The following IMMP2L variants were observed in gnomAD, a reference collection of about 807,000 sequenced individuals.
The protein encoded by IMMP2L is inner mitochondrial membrane peptidase subunit 2.
IMMP2L carries 18 observed loss-of-function variants against 19.3 expected under a neutral mutation model. The observed-to-expected ratio is 0.93, with a 90% confidence interval of 0.64 to 1.38. The LOEUF is 1.38. IMMP2L is among the 40% of genes most tolerant of loss of function. The pLI is 0.00. For missense variants in IMMP2L, 233 were observed against 218.2 expected (o/e 1.07, Z -0.43); for synonymous variants, 76 against 73.0 (o/e 1.04, Z -0.21).
intron 3 of IMMP2L, among the ~76,000 whole-genome samples, chr7:111,272,572 G>A (rs1818579333): frequency 6.6e-6 from 1 of 152,136 alleles, no homozygotes; most frequent in South Asian, 2.1e-4. Flanking sequence ...TTCACACATA[G>A]TAAGTGTCCC....
At chr7:111,124,994 C>A (rs1343539403) in intron 3 of IMMP2L, 2 of 905,388 alleles carry the variant, frequency 2.2e-6, no homozygotes, top group Non-Finnish European at 3.3e-6. Context: ...AACAAACAAA[C>A]AAAAAAGTAA....
At chr7:110,773,494 T>C (rs1322443412) in intron 5 of IMMP2L, among the ~76,000 whole-genome samples, 1 of 152,094 alleles carries the variant, frequency 6.6e-6, no homozygotes, top group Non-Finnish European at 1.5e-5. Flanking sequence ...AAATCAGTCA[T>C]TACGTATCAG....
intron 3 of IMMP2L, among the ~76,000 whole-genome samples, chr7:111,422,660 C>G (rs1215243147): frequency 6.6e-6 from 1 of 151,892 alleles, no homozygotes; most frequent in Non-Finnish European, 1.5e-5. Context: ...ATGTCATCTG[C>G]AAACAGGAAA....
intron 3 of IMMP2L, among the ~76,000 whole-genome samples, chr7:111,112,528 G>C (rs1319508246): frequency 6.6e-6 from 1 of 152,118 alleles, no homozygotes; most frequent in East Asian, 1.9e-4. Flanking sequence ...CCATGTCTTG[G>C]TTGAAACTCA....
chr7:110,905,639 A>T (rs1188250814), intron 4 of IMMP2L, among the ~76,000 whole-genome samples: 1 of 152,204 alleles, frequency 6.6e-6, no homozygotes, highest in Non-Finnish European at 1.5e-5. Context: ...AAAAGATGAG[A>T]GATCATAAAG....
intron 5 of IMMP2L, among the ~76,000 whole-genome samples, chr7:110,817,384 A>G (rs1290259479): frequency 6.6e-6 from 1 of 152,082 alleles, no homozygotes; most frequent in African/African-American, 2.4e-5. Context: ...AGAATAAAAT[A>G]CCTAGGAATC....
Position 111,123,601 on chromosome 7 carries a change from A to G in IMMP2L, c.240-160036T>C, listed in dbSNP as rs761710264. On this transcript the variant is annotated intron_variant, in intron 3 of 5. Transcript: ENST00000405709. The surrounding 1 kb of genome is among the most constrained non-coding windows in gnomAD (Gnocchi z 6.4). The stretch of plus-strand genomic sequence containing the variant: ...TAAAAATCCTATTAATAGAATACGA[A>G]GGGGTGATTTTAGCAATATGCTACA... 3.7e-6 allele frequency: 6 copies of G among 1,613,384 alleles called. No homozygotes were observed. The East Asian group carries it at 1.1e-4, about 30-fold the overall frequency.
intron 2 of IMMP2L, among the ~76,000 whole-genome samples, chr7:111,503,776 C>T (rs1309296760): frequency 6.6e-6 from 1 of 152,146 alleles, no homozygotes; most frequent in Non-Finnish European, 1.5e-5. Flanking sequence ...AACAACCCTT[C>T]ATGCTAAAAA....
intron 3 of IMMP2L, among the ~76,000 whole-genome samples, chr7:111,172,175 T>C (rs998742828): frequency 9.9e-5 from 15 of 151,588 alleles, no homozygotes; most frequent in Middle Eastern, 3.4e-3. Context: ...GTATAAAATA[T>C]AAGGGACTTT....
intron 3 of IMMP2L, among the ~76,000 whole-genome samples, chr7:111,376,672 CA>C (rs1405255570): frequency 6.6e-6 from 1 of 151,958 alleles, no homozygotes; most frequent in Non-Finnish European, 1.5e-5. Context: ...GATGACTGGA[CA>C]CATAAAATGG....
rs1364847025 is a variant in IMMP2L, at chr7:110,758,951, T to C, written c.409-95230A>G. On this transcript the variant is annotated intron_variant, in intron 5 of 5. Transcript: ENST00000405709. This position sits in a 1 kb window ranked among gnomAD's most constrained non-coding sequence, Gnocchi z 4.6. The stretch of plus-strand genomic sequence containing the variant: ...GTCTAGAAATGACCAGTGGAGATCT[T>C]TTCACAGTCTGTTACCCGATTTTGT... 6.6e-6 allele frequency among the ~76,000 whole-genome samples: 1 copy of C among 151,458 alleles called. No homozygotes were observed. Among genetic ancestry groups the C allele is most frequent in the African/African-American group, 2.4e-5 (1 of 41,192 alleles).
intron 3 of IMMP2L, among the ~76,000 whole-genome samples, chr7:111,430,732 A>G (rs1230324283): frequency 1.3e-5 from 2 of 151,676 alleles, no homozygotes; most frequent in African/African-American, 4.9e-5. Context: ...GGTGCACAAA[A>G]TAAGAACCTA....
intron 3 of IMMP2L, among the ~76,000 whole-genome samples, chr7:111,340,761 TTGAACTTCTG>T (rs1826930287): frequency 6.6e-6 from 1 of 152,044 alleles, no homozygotes; most frequent in African/African-American, 2.4e-5. Flanking sequence ...CAAAAAAACA[TTGAACTTCTG>T]TTATAAATAG....
chr7:111,285,119 C>A (rs1584453606), intron 3 of IMMP2L, among the ~76,000 whole-genome samples: 1 of 151,968 alleles, frequency 6.6e-6, no homozygotes, highest in South Asian at 2.1e-4. Context: ...AAAGGCCTTG[C>A]AAAGAGAGGA....
chr7:110,672,417 T>C (rs548984632), intron 5 of IMMP2L, among the ~76,000 whole-genome samples: 2 of 152,124 alleles, frequency 1.3e-5, no homozygotes, highest in South Asian at 4.2e-4. Flanking sequence ...AACCAAACCA[T>C]ATCATTCCAC....
At position 111,123,591 on chromosome 7, in the gene IMMP2L, T is replaced by C. The variant is rs1800915868; in HGVS notation, c.240-160026A>G. On this transcript the variant is annotated intron_variant, in intron 3 of 5. Transcript: ENST00000405709. This position sits in a 1 kb window ranked among gnomAD's most constrained non-coding sequence, Gnocchi z 6.4. ...TGGATCTAAATAAAAATCCTATTAA[T>C]AGAATACGAAGGGGTGATTTTAGCA... is the stretch of plus-strand genomic sequence containing the variant. 1.2e-6 allele frequency: 2 copies of C among 1,613,090 alleles called. No individual in the cohort carries two copies. Among genetic ancestry groups the C allele is most frequent in the Non-Finnish European group, 1.7e-6 (2 of 1,179,274 alleles).
At chr7:111,096,438 T>G (rs141112682) in intron 3 of IMMP2L, among the ~76,000 whole-genome samples, 2 of 151,696 alleles carry the variant, frequency 1.3e-5, no homozygotes, top group Non-Finnish European at 2.9e-5. Flanking sequence ...TATATCTGGA[T>G]AGATTCTTGC....
intron 4 of IMMP2L, among the ~76,000 whole-genome samples, chr7:110,947,011 C>G (rs1006258335): frequency 8.6e-5 from 13 of 151,982 alleles, no homozygotes. Flanking sequence ...TGAGCCACCG[C>G]GCCTGGCCTA....
chr7:111,408,587 A>G (rs140785953), intron 3 of IMMP2L, among the ~76,000 whole-genome samples: 88 of 151,910 alleles, frequency 5.8e-4, no homozygotes, highest in Non-Finnish European at 1.1e-3. Context: ...ACAAGATGAG[A>G]TGACAGTGTG....
Sources: allele counts gnomAD v4.1 joint callset (sites outside exome capture counted in the v4.1 genomes callset), GRCh38; gene constraint gnomAD v4.1.1; non-coding constraint Gnocchi (gnomAD v3.1); transcripts MANE v1.5; gene names NCBI Gene and HGNC (gene_info 2026-07-23, HGNC 2026-07-21).